Variants in PLD5 observed in about 807,000 individuals in gnomAD.
The protein encoded by PLD5 is inactive phospholipase D5.
Under a neutral mutation model 61.1 loss-of-function variants are expected in PLD5, and 36 were observed. The observed-to-expected ratio is 0.59, with a 90% CI of 0.45 to 0.78. PLD5 has a LOEUF of 0.78. PLD5 is among the 30% of genes least tolerant of loss of function. The probability of loss-of-function intolerance (pLI) is 0.00; values close to 1 mark genes in which losing one functional copy is unlikely to be tolerated. For synonymous variants in PLD5, 243 were observed against 242.8 expected (o/e 1.00, Z -0.01); for missense variants, 515 against 644.4 (o/e 0.80, Z 2.17).
At chr1:242,233,592 G>A (rs774017737) in intron 4 of PLD5, among the ~76,000 whole-genome samples, 1 of 152,108 alleles carries the variant, frequency 6.6e-6, no homozygotes, top group Non-Finnish European at 1.5e-5. Flanking sequence ...GGGAGGGCTG[G>A]CGGCAGGCAT....
chr1:242,336,848 G>T (rs1477854977), intron 2 of PLD5, among the ~76,000 whole-genome samples: 1 of 152,184 alleles, frequency 6.6e-6, no homozygotes, highest in Non-Finnish European at 1.5e-5. Flanking sequence ...AATCTAAGAT[G>T]ATGAGTTTTG....
At chr1:242,529,754 G>C in the PLD5 span, among the ~76,000 whole-genome samples, 1 of 144,604 alleles carries the variant, frequency 6.9e-6, no homozygotes, top group Admixed American at 6.9e-5. Context: ...TACACAAGGA[G>C]AACCAAATCA....
intron 1 of PLD5, among the ~76,000 whole-genome samples, chr1:242,374,104 G>A (rs1661812183): frequency 6.6e-6 from 1 of 152,166 alleles, no homozygotes. Context: ...AGAAAGGTCT[G>A]TGGAGTTGCT....
intron 2 of PLD5, among the ~76,000 whole-genome samples, chr1:242,293,067 A>T (rs1383037888): frequency 1.3e-5 from 2 of 152,178 alleles, no homozygotes; most frequent in Non-Finnish European, 2.9e-5. Flanking sequence ...GATTACAAAC[A>T]CATTCTTATA....
At chr1:242,473,473 C>T (rs1307947575) in intron 1 of PLD5, among the ~76,000 whole-genome samples, 2 of 152,172 alleles carry the variant, frequency 1.3e-5, no homozygotes, top group Non-Finnish European at 2.9e-5. Context: ...CGATGTTACA[C>T]AGGCTAGTTG....
In PLD5 at chr1:242,524,615, A is replaced by C; in HGVS notation, c.-339T>G. 4.9e-6 allele frequency: 1 copy of C among 205,804 alleles called. No individual in the cohort carries two copies. The highest frequency in any genetic ancestry group is 9.7e-6 in the Non-Finnish European group (1 of 103,490). The allele number at this position is 205,804 out of a possible 1,614,324, so 12.7% of individuals were successfully genotyped here. On this transcript the variant is annotated 5_prime_UTR_variant, in exon 1 of 10. Coordinates refer to ENST00000536534, the MANE Select transcript of PLD5 (RefSeq NM_001372062.1). Reference sequence around the variant, plus strand: ...AAGGAACCTGCTCCGGGGAGACAGAAGTGCCCGGTGCGGCGGCGACGTCGC... The same window carrying C: ...AAGGAACCTGCTCCGGGGAGACAGACGTGCCCGGTGCGGCGGCGACGTCGC...
At chr1:242,182,192 A>G (rs1667561851) in intron 5 of PLD5, among the ~76,000 whole-genome samples, 1 of 152,170 alleles carries the variant, frequency 6.6e-6, no homozygotes, top group African/African-American at 2.4e-5. Context: ...GAAGCCCTGC[A>G]GCTCTGGGAG....
chr1:242,198,985 C>T (rs909419416), intron 5 of PLD5, among the ~76,000 whole-genome samples: 1 of 152,184 alleles, frequency 6.6e-6, no homozygotes, highest in Non-Finnish European at 1.5e-5. Flanking sequence ...CTGCCCGCCT[C>T]AGCTTCCCAA....
At chr1:242,163,187 A>G (rs1171540127) in intron 5 of PLD5, among the ~76,000 whole-genome samples, 1 of 144,792 alleles carries the variant, frequency 6.9e-6, no homozygotes, top group African/African-American at 2.6e-5. Flanking sequence ...TCTGTCACCC[A>G]GGCTGGAGTG....
chr1:242,375,741 T>C (rs7547268), intron 1 of PLD5, among the ~76,000 whole-genome samples: 124,324 of 152,108 alleles, frequency 0.82, 51,240 homozygotes, highest in South Asian at 0.88. Context: ...AGTATCTCTG[T>C]TGCATTTTAA....
intron 5 of PLD5, among the ~76,000 whole-genome samples, chr1:242,128,219 C>A (rs549505756): frequency 1.2e-4 from 19 of 152,084 alleles, no homozygotes; most frequent in Non-Finnish European, 1.9e-4. Context: ...GTGGGAGGAT[C>A]CCTTGAGCCC....
At position 242,395,075 on chromosome 1, in the gene PLD5, A is replaced by ATATATGTATATATGAATG. The variant is rs1558528413; in HGVS notation, c.190-46834_190-46833insCATTCATATATACATATA. Among the ~76,000 whole-genome samples the ATATATGTATATATGAATG allele has an allele frequency of 3.6e-4, 42 of 116,296 alleles. 2 individuals carry two copies. Among genetic ancestry groups the ATATATGTATATATGAATG allele is most frequent in the African/African-American group, 8.9e-4 (28 of 31,626 alleles). 76.3% of individuals were successfully genotyped at this position (116,296 alleles called of 152,430 possible). ...TGAATATATATGTATATATATGAAT[A>ATATATGTATATATGAATG]TATATGTATATATATGAATATATAT... On this transcript the variant is annotated intron_variant, in intron 1 of 9. Transcript: ENST00000536534.
At chr1:242,380,573 TTATC>T (rs1202599814) in intron 1 of PLD5, among the ~76,000 whole-genome samples, 8 of 152,278 alleles carry the variant, frequency 5.3e-5, no homozygotes, top group Admixed American at 5.2e-4. Context: ...ATTTTGACAT[TTATC>T]TATCTATGTA....
chr1:242,444,698 A>ATTAT (rs1558572417), intron 1 of PLD5, among the ~76,000 whole-genome samples: 126 of 135,598 alleles, frequency 9.3e-4, no homozygotes, highest in African/African-American at 2.0e-3. Flanking sequence ...ATATTATATA[A>ATTAT]ATATTATATT....
At chr1:242,178,795 A>G (rs1667337650) in intron 5 of PLD5, among the ~76,000 whole-genome samples, 1 of 152,218 alleles carries the variant, frequency 6.6e-6, no homozygotes, top group Non-Finnish European at 1.5e-5. Flanking sequence ...TGATCCCTCC[A>G]TATGTCTAGA....
chr1:242,207,818 A>ATT lies in PLD5; in HGVS notation c.735+12169_735+12170insAA, dbSNP rs1669456514. Among the ~76,000 whole-genome samples, 10 of 67,862 alleles carry ATT rather than the reference A, an allele frequency of 1.5e-4. 1 individual carries two copies. Among genetic ancestry groups the ATT allele is most frequent in the Non-Finnish European group, 1.5e-4 (6 of 39,878 alleles). The allele number at this position is 67,862 out of a possible 152,430, so 44.5% of individuals were successfully genotyped here. ...TATATATTTATATATATTTATATTTATATATTTATATATATTTATATATTT... is the reference window on the plus strand; with the variant it reads ...TATATATTTATATATATTTATATTTATTTATATTTATATATATTTATATATTT... On this transcript the variant is annotated intron_variant, in intron 5 of 9. Transcript: ENST00000536534.
intron 1 of PLD5, among the ~76,000 whole-genome samples, chr1:242,475,193 G>A (rs375385767): frequency 9.9e-5 from 15 of 152,256 alleles, no homozygotes; most frequent in South Asian, 4.1e-4. Context: ...ACACACGTGC[G>A]CACGCACACA....
intron 1 of PLD5, among the ~76,000 whole-genome samples, chr1:242,458,295 A>G (rs769662932): frequency 2.0e-5 from 3 of 152,358 alleles, no homozygotes; most frequent in East Asian, 3.9e-4. Flanking sequence ...TCTTCTCACT[A>G]CACCATTGTT....
Position 242,127,049 on chromosome 1 carries a change from A to T in PLD5, c.736-2384T>A, listed in dbSNP as rs143606243. Among the ~76,000 whole-genome samples the T allele has an allele frequency of 4.4e-3, 671 of 152,362 alleles. 6 individuals carry two copies. The highest frequency in any genetic ancestry group is 0.018 in the South Asian group (86 of 4,830). ...TACAAATGGCCAACAAACATATGAA[A>T]GAGTGCTCAACATCACTAATGATCA... On this transcript the variant is annotated intron_variant, in intron 5 of 9. Transcript: ENST00000536534.
Sources: allele counts gnomAD v4.1 joint callset (sites outside exome capture counted in the v4.1 genomes callset), GRCh38; gene constraint gnomAD v4.1.1; transcripts MANE v1.5; gene names NCBI Gene and HGNC (gene_info 2026-07-23, HGNC 2026-07-21).